Variants in RNF213 observed in about 807,000 individuals in gnomAD.
The protein encoded by RNF213 is ring finger protein 213, also known as E3 ubiquitin-protein ligase RNF213.
In RNF213, 341 loss-of-function variants were observed where a neutral mutation model predicts 514.4. The ratio of observed to expected loss-of-function variants is 0.66; its 90% confidence interval spans 0.61 to 0.73. The LOEUF (loss-of-function observed/expected upper bound fraction) is 0.73. Among genes scored for constraint, RNF213 ranks in the 30% least tolerant of loss-of-function variants. The pLI is 0.00. For missense variants in RNF213, 5,767 were observed against 6,615.6 expected (o/e 0.87, Z 4.45); for synonymous variants, 2,655 against 2,658.2 (o/e 1.00, Z 0.04).
At position 80,373,122 on chromosome 17, in the gene RNF213, G is replaced by A. The variant is rs754276887; in HGVS notation, c.12899G>A (p.Arg4300His). 2.7e-5 allele frequency: 44 copies of A among 1,612,980 alleles called. No homozygotes were observed. Among genetic ancestry groups the A allele is most frequent in the Middle Eastern group, 3.4e-4 (2 of 5,904 alleles). ...EFVQGLSKPG[R>H]PHQWVFPKDV... ...GTGCAGGGCCTCTCCAAGCCCGGCCGCCCGCACCAGTGGGTGTTTCCCAAG... is the reference window on the plus strand; with the variant it reads ...GTGCAGGGCCTCTCCAAGCCCGGCCACCCGCACCAGTGGGTGTTTCCCAAG... The change falls in exon 49 of 68, where the codon CGC becomes CAC. Residue 4300 changes from arginine (R) to histidine (H), a missense_variant. Around this residue, in one of 13 missense-constraint regions of RNF213, gnomAD observed 1,245 missense variants for 1,339.0 expected, o/e 0.93. Coordinates refer to ENST00000582970, the MANE Select transcript of RNF213 (RefSeq NM_001256071.3).
Position 80,376,421 on chromosome 17 carries a change from G to C in RNF213, c.13306G>C (p.Asp4436His). Residue 4436 changes from aspartate to histidine, a missense_variant, in exon 52 of 68, where the codon GAC becomes CAC. Physicochemically the swap from Asp to His is moderately conservative, Grantham distance 81. Coordinates refer to ENST00000582970, the MANE Select transcript of RNF213 (RefSeq NM_001256071.3). Reference protein sequence around the residue: ...SVPLLRAGPSDSNLDGTVTEM... With the variant: ...SVPLLRAGPSHSNLDGTVTEM... ...GCCATTGTTGAGGGCGGGGCCTAGT[G>C]ACAGCAACCTTGATGGAACGGTGAC... 1 of 1,614,214 alleles carries C rather than the reference G, an allele frequency of 6.2e-7. No homozygotes were observed. Among genetic ancestry groups the C allele is most frequent in the African/African-American group, 1.3e-5 (1 of 75,052 alleles).
rs1271064522 is a variant in RNF213, at chr17:80,368,293, T to TACG, written c.12155+150_12155+151insACG. The TACG allele has an allele frequency of 5.9e-5, 47 of 802,192 alleles. No individual in the cohort carries two copies. In the Admixed American group the frequency reaches 6.8e-4, roughly 12 times the overall value. 49.7% of individuals were successfully genotyped at this position (802,192 alleles called of 1,614,324 possible). ...TCATAAGAGACGCCACTTACGTACT[T>TACG]TCATAAATATCTGGTATCTCAAGAT... On this transcript the variant is annotated intron_variant, in intron 44 of 67. Coordinates refer to ENST00000582970, the MANE Select transcript of RNF213 (RefSeq NM_001256071.3).
chr17:80,324,282 A>T (rs930440854), intron 17 of RNF213, among the ~76,000 whole-genome samples: 7 of 152,228 alleles, frequency 4.6e-5, no homozygotes, highest in African/African-American at 1.7e-4. Context: ...CATTTGTTGA[A>T]TGCTTTTTTT....
intron 2 of RNF213, among the ~76,000 whole-genome samples, chr17:80,268,052 C>G (rs1025748013): frequency 1.3e-5 from 2 of 152,010 alleles, no homozygotes; most frequent in African/African-American, 4.8e-5. Flanking sequence ...ACTCCTTGAC[C>G]TCAAGTGATC....
Position 80,364,502 on chromosome 17 carries a change from C to A in RNF213, c.11820C>A (p.Arg3940=). Residue 3940 remains arginine (R), a synonymous_variant, in exon 42 of 68, where the codon CGC becomes CGA. Coordinates refer to ENST00000582970, the MANE Select transcript of RNF213 (RefSeq NM_001256071.3). ...ACGTGCTCCTAGGAACCGAGAGCCG[C>A]GTCCCCGAGTTACAGGGGCTGGTGA... ...VEHVLLGTES[R]VPELQGLVTE... 6.2e-7 allele frequency: 1 copy of A among 1,614,160 alleles called. No homozygotes were observed. The highest frequency in any genetic ancestry group is 8.5e-7 in the Non-Finnish European group (1 of 1,180,024).
intron 25 of RNF213, among the ~76,000 whole-genome samples, chr17:80,338,969 A>T (rs1178878723): frequency 6.6e-6 from 1 of 151,872 alleles, no homozygotes; most frequent in Non-Finnish European, 1.5e-5. Flanking sequence ...AAAAAAAAAA[A>T]AAAATTAAAA....
chr17:80,273,505 C>T, intron 3 of RNF213, 101 bp downstream of exon 3: 1 of 1,476,720 alleles, frequency 6.8e-7, no homozygotes. Context: ...CCACCATGGC[C>T]CAGCCCATTG....
rs1450575790 is a variant in RNF213 at position 80,373,303 on chromosome 17, TACCCCCACACCTCACCCTCAC to T, written c.12942+164_12942+184del. The T allele has an allele frequency of 7.3e-4, 338 of 461,378 alleles. 3 individuals carry two copies. Among genetic ancestry groups the T allele is most frequent in the African/African-American group, 2.4e-3 (90 of 36,944 alleles). 28.6% of individuals were successfully genotyped at this position (461,378 alleles called of 1,614,324 possible). A position where few individuals can be genotyped will look rare whatever the true frequency, so the allele number is the denominator to read the frequency against. On this transcript the variant is annotated intron_variant, in intron 49 of 67. Transcript: ENST00000582970. ...ACACCTTCCCCACCACATACCCTCA[TACCCCCACACCTCACCCTCAC>T]ACCCCCACACCTCACCCTCACACCC...
At position 80,358,462 on chromosome 17, in the gene RNF213, T is replaced by A; in HGVS notation, c.11037T>A (p.Leu3679=). 10 of 1,613,908 alleles carry A rather than the reference T, an allele frequency of 6.2e-6. No individual in the cohort carries two copies. The highest frequency in any genetic ancestry group is 8.5e-6 in the Non-Finnish European group (10 of 1,179,814). The change falls in exon 37 of 68, where the codon CTT becomes CTA. Residue 3679 remains leucine (L), a synonymous_variant. Transcript: ENST00000582970. ...FSDTMLLNIP[L]VMNNERHKGE... is the part of the protein sequence containing the mutation. ...ACACGATGCTTCTGAACATTCCTCT[T>A]GTGATGAATAATGAAAGGTGAGTGG...
chr17:80,378,665 C>T (rs1209241956), intron 54 of RNF213, among the ~76,000 whole-genome samples: 3 of 152,154 alleles, frequency 2.0e-5, no homozygotes, highest in Non-Finnish European at 4.4e-5. Flanking sequence ...GGGAGAAAAA[C>T]TGTTACATAC....
At chr17:80,270,796 C>T (rs888015535) in intron 2 of RNF213, among the ~76,000 whole-genome samples, 5 of 152,294 alleles carry the variant, frequency 3.3e-5, no homozygotes, top group African/African-American at 9.6e-5. Context: ...GCTGGGTCAC[C>T]GTTGCCCAAG....
chr17:80,385,174 G>A lies in RNF213; in HGVS notation c.14455+3G>A, dbSNP rs2080183006. 3 of 1,614,202 alleles carry A rather than the reference G, an allele frequency of 1.9e-6. No individual in the cohort carries two copies. The highest frequency in any genetic ancestry group is 1.1e-5 in the South Asian group (1 of 91,088). ...CTTCCTCAGCAAGCACAGCTCAGGT[G>A]TGGCTCTGCTCTGACAGGACCAGGA... On this transcript the variant is annotated splice_donor_region_variant and intron_variant, in intron 60 of 67. Coordinates refer to ENST00000582970, the MANE Select transcript of RNF213 (RefSeq NM_001256071.3).
In RNF213 at chr17:80,389,253, C is replaced by A; in HGVS notation, c.15081C>A (p.Val5027=). The A allele has an allele frequency of 2.5e-6, 4 of 1,614,202 alleles. No individual in the cohort carries two copies. Among genetic ancestry groups the A allele is most frequent in the Non-Finnish European group, 3.4e-6 (4 of 1,180,010 alleles). Residue 5027 remains valine (V), a synonymous_variant, in exon 65 of 68, where the codon GTC becomes GTA. Transcript: ENST00000582970. ...SYSDACEVLS[V]VEVTLGFLST... ...GCGATGCCTGTGAAGTGCTGTCTGT[C>A]GTAGAAGTCACTCTGGGGTTTCTGA...
intron 3 of RNF213, among the ~76,000 whole-genome samples, chr17:80,281,995 T>G (rs994085175): frequency 2.6e-5 from 4 of 152,076 alleles, no homozygotes; most frequent in African/African-American, 9.7e-5. Context: ...CAGCTGGGAC[T>G]ATAGGCGCCT....
At chr17:80,384,007 G>T (rs748735262) in intron 59 of RNF213, 79 bp downstream of exon 59, 10 of 1,543,860 alleles carry the variant, frequency 6.5e-6, no homozygotes, top group Non-Finnish European at 8.1e-6. Context: ...GGGCTTTTAC[G>T]TAGTATAATC....
chr17:80,379,323 T>A, intron 54 of RNF213: 1 of 421,736 alleles, frequency 2.4e-6, no homozygotes, highest in East Asian at 5.2e-5. Context: ...GAAAAAGTGC[T>A]GAATACAAGA....
rs1336091772 is a variant in RNF213, at chr17:80,288,389, G to A, written c.810+26G>A. The stretch of plus-strand genomic sequence containing the variant: ...GTGAGTCATCCGGGAGAGATGGCCT[G>A]GGAGTGGCACTGAGCCCTCGGCACC... On this transcript the variant is annotated intron_variant, in intron 4 of 67. Transcript: ENST00000582970. The surrounding 1 kb of genome is among the most constrained non-coding windows in gnomAD (Gnocchi z 4.9). 6.2e-7 allele frequency: 1 copy of A among 1,610,354 alleles called. No homozygotes were observed. The highest frequency in any genetic ancestry group is 1.3e-5 in the African/African-American group (1 of 74,894).
At position 80,291,789 on chromosome 17, in the gene RNF213, G is replaced by A. The variant is rs772252232; in HGVS notation, c.1433G>A (p.Arg478His). 21 of 1,614,176 alleles carry A rather than the reference G, an allele frequency of 1.3e-5. No homozygotes were observed. Among genetic ancestry groups the A allele is most frequent in the South Asian group, 4.4e-5 (4 of 91,088 alleles). Residue 478 changes from arginine to histidine, a missense_variant, in exon 8 of 68, where the codon CGC (arginine) becomes CAC (histidine). Arg to His is a conservative substitution (Grantham distance 29). Coordinates refer to ENST00000582970, the MANE Select transcript of RNF213 (RefSeq NM_001256071.3). ...HQQKKGEYVNRCLFIKSSLLG... is the reference protein window; with the variant it reads ...HQQKKGEYVNHCLFIKSSLLG... ...CAGAAGAAGGGCGAGTACGTCAACC[G>A]CTGTCTGTTCATAAAATCTTCACTT...
chr17:80,365,079 A>C (rs1599141730), intron 42 of RNF213: 2 of 188,506 alleles, frequency 1.1e-5, no homozygotes, highest in Non-Finnish European at 2.3e-5. Flanking sequence ...GAAACCTGTG[A>C]CCCTACAGTG....
Sources: allele counts gnomAD v4.1 joint callset (sites outside exome capture counted in the v4.1 genomes callset), GRCh38; gene constraint gnomAD v4.1.1; regional missense constraint gnomAD v4.1.1; non-coding constraint Gnocchi (gnomAD v3.1); transcripts MANE v1.5; gene names NCBI Gene and HGNC (gene_info 2026-07-23, HGNC 2026-07-21).